Variants in POMGNT1 observed in about 807,000 individuals in gnomAD.
The protein encoded by POMGNT1 is protein O-linked-mannose beta-1,2-N-acetylglucosaminyltransferase 1.
POMGNT1 carries 67 observed loss-of-function variants against 95.6 expected under a neutral mutation model. That is an observed-to-expected ratio of 0.70 (90% CI 0.58 to 0.86). The LOEUF (loss-of-function observed/expected upper bound fraction) is 0.86, where lower values mean the gene tolerates loss of function less well. Among genes scored for constraint, POMGNT1 ranks in the 40% least tolerant of loss-of-function variants. POMGNT1 has a pLI of 0.00. For synonymous variants in POMGNT1, 298 were observed against 317.9 expected, an observed-to-expected ratio of 0.94 and a Z score of 0.66; for missense variants, 719 against 855.2, an observed-to-expected ratio of 0.84 and a Z score of 1.99.
intron 19 of POMGNT1, 108 bp from the exon 20 acceptor site, chr1:46,190,097 CTTTTTT>C: frequency 8.3e-5 from 67 of 806,894 alleles, no homozygotes; most frequent in Middle Eastern, 3.9e-4. Context: ...CCTTGAAGTT[CTTTTTT>C]TTTTTTTTTT....
exon 1 of POMGNT1, chr1:46,220,144 A>G: frequency 6.2e-7 from 1 of 1,614,190 alleles, no homozygotes; most frequent in Non-Finnish European, 8.5e-7. Context: ...GAGTCACCAG[A>G]GGATGAGAGT....
At chr1:46,197,573 G>T in intron 2 of POMGNT1, 129 bp downstream of exon 2, 4 of 1,566,672 alleles carry the variant, frequency 2.6e-6, no homozygotes, top group Non-Finnish European at 2.6e-6. Context: ...ACACATAGAG[G>T]TCTCCCCTCT....
chr1:46,192,181 G>C lies in POMGNT1; in HGVS notation c.1456C>G (p.Arg486Gly), dbSNP rs534543454. 31 of 1,614,176 alleles carry C rather than the reference G, an allele frequency of 1.9e-5. No individual in the cohort carries two copies. The Middle Eastern group carries it at 6.6e-4, about 34-fold the overall frequency. ...TCAGGGATGATGCACTCTCGGCCCC[G>C]GCGTTGTTCAGGCATCCGCATCCAC... ...DMWMRMPEQR[R>G]GRECIIPDVS... The change falls in exon 17 of 22, where the codon CGG becomes GGG. Residue 486 changes from arginine to glycine, a missense_variant. Physicochemically the swap from Arg to Gly is moderately radical, Grantham distance 125 (BLOSUM62 -2). Coordinates refer to ENST00000371984, the MANE Select transcript of POMGNT1 (RefSeq NM_017739.4).
chr1:46,203,326 G>A (rs1658604991), upstream of POMGNT1: 2 of 1,051,926 alleles, frequency 1.9e-6, no homozygotes, highest in South Asian at 2.0e-5. Context: ...CGCGGGCGGG[G>A]ACCCACCGGT....
chr1:46,219,060 G>C (rs1659150317), intron 1 of POMGNT1, among the ~76,000 whole-genome samples: 1 of 152,126 alleles, frequency 6.6e-6, no homozygotes, highest in Non-Finnish European at 1.5e-5. Context: ...ACTTTGGGAG[G>C]CTGAGGTGGG....
intron 1 of POMGNT1, among the ~76,000 whole-genome samples, chr1:46,209,751 T>C (rs574776502): frequency 2.3e-4 from 35 of 151,900 alleles, no homozygotes; most frequent in Non-Finnish European, 4.4e-4. Context: ...CCTCGGGTAA[T>C]CCACTTGCCT....
At chr1:46,203,603 C>A in intron 1 of POMGNT1, 1 of 1,598,346 alleles carries the variant, frequency 6.3e-7, no homozygotes, top group South Asian at 1.1e-5. Flanking sequence ...GGGACAAGAT[C>A]ATGGCGCTGA....
upstream of POMGNT1, among the ~76,000 whole-genome samples, chr1:46,199,497 C>T (rs1046924290): frequency 3.3e-5 from 5 of 152,154 alleles, no homozygotes; most frequent in African/African-American, 1.2e-4. Context: ...GGTGCTGGGC[C>T]CCATCCCTAG....
intron 21 of POMGNT1, 22 bp from the exon 22 acceptor site, chr1:46,189,379 G>A (rs770875928): frequency 2.5e-6 from 4 of 1,614,066 alleles, no homozygotes; most frequent in Admixed American, 3.3e-5. Context: ...ATACAAGAAT[G>A]TATAGAGAAG....
At chr1:46,201,122 C>T (rs1303832354), upstream of POMGNT1, among the ~76,000 whole-genome samples, 1 of 151,890 alleles carries the variant, frequency 6.6e-6, no homozygotes, top group Non-Finnish European at 1.5e-5. Flanking sequence ...CAGAGCCGGA[C>T]TCTGTCTCAA....
intron 2 of POMGNT1, 46 bp downstream of exon 2, chr1:46,197,656 G>T: frequency 6.2e-7 from 1 of 1,612,360 alleles, no homozygotes; most frequent in Non-Finnish European, 8.5e-7. Flanking sequence ...TGGGGAGGAA[G>T]CTGGGAGGGA....
intron 1 of POMGNT1, among the ~76,000 whole-genome samples, chr1:46,205,764 C>G (rs1445099101): frequency 6.6e-6 from 1 of 152,200 alleles, no homozygotes; most frequent in East Asian, 1.9e-4. Context: ...TTTCTCCTTC[C>G]TCAGGCCAGG....
intron 9 of POMGNT1, 126 bp downstream of exon 9, chr1:46,194,148 A>G (rs1658019116): frequency 1.9e-6 from 3 of 1,575,050 alleles, no homozygotes; most frequent in Non-Finnish European, 2.6e-6. Flanking sequence ...TTCAGAGCGC[A>G]GTGTAAATCC....
intron 1 of POMGNT1, among the ~76,000 whole-genome samples, chr1:46,215,143 G>A (rs754106728): frequency 2.0e-5 from 3 of 149,904 alleles, no homozygotes; most frequent in South Asian, 2.1e-4. Context: ...GGAGAATGGC[G>A]TGAACCCGGG....
At chr1:46,192,788 G>C in intron 14 of POMGNT1, 112 bp downstream of exon 14, 1 of 1,587,256 alleles carries the variant, frequency 6.3e-7, no homozygotes, top group Non-Finnish European at 8.6e-7. Flanking sequence ...CTTTGCCCAG[G>C]CTTCGCCCCC....
chr1:46,199,911 C>T (rs969428276), upstream of POMGNT1, among the ~76,000 whole-genome samples: 1 of 152,182 alleles, frequency 6.6e-6, no homozygotes, highest in Non-Finnish European at 1.5e-5. Context: ...CCATGACTCA[C>T]GTAATCCCAG....
intron 2 of POMGNT1, 192 bp downstream of exon 2, chr1:46,197,510 C>A (rs1237854239): frequency 6.0e-6 from 9 of 1,499,904 alleles, no homozygotes; most frequent in Non-Finnish European, 8.0e-6. Context: ...AGAAGTTGTA[C>A]TTGGGTTCCG....
intron 14 of POMGNT1, 24 bp downstream of exon 14, chr1:46,192,876 C>T (rs750190639): frequency 1.9e-6 from 3 of 1,614,094 alleles, no homozygotes; most frequent in Non-Finnish European, 2.5e-6. Flanking sequence ...GGGACCTCAA[C>T]TGAAACCTAG....
intron 1 of POMGNT1, among the ~76,000 whole-genome samples, chr1:46,218,235 T>C (rs1337218074): frequency 6.6e-6 from 1 of 151,946 alleles, no homozygotes; most frequent in African/African-American, 2.4e-5. Context: ...GTACAAAAAA[T>C]AAAATTAGCC....
Sources: gnomAD v4.1 joint callset for allele counts (sites outside exome capture counted in the v4.1 genomes callset) on GRCh38, gnomAD v4.1.1 for gene constraint, MANE v1.5 for transcripts, NCBI Gene and HGNC (gene_info 2026-07-23, HGNC 2026-07-21) for gene names.